PAX2: variants seen among roughly 807,000 people sequenced by gnomAD.
PAX2 encodes paired box 2.
A neutral mutation model predicts 41.7 loss-of-function variants in PAX2; 9 were observed. That is an observed-to-expected ratio of 0.22 (90% CI 0.13 to 0.38). PAX2 has a LOEUF of 0.38. PAX2 is among the 10% of genes least tolerant of loss of function. The probability of loss-of-function intolerance (pLI) is 1.00; values close to 1 mark genes in which losing one functional copy is unlikely to be tolerated. For missense variants in PAX2, 418 were observed against 531.6 expected, an observed-to-expected ratio of 0.79 and a Z score of 2.10; for synonymous variants, 221 against 212.7, an observed-to-expected ratio of 1.04 and a Z score of -0.34.
At chr10:100,811,681 G>A (rs1015747789) in intron 7 of PAX2, among the ~76,000 whole-genome samples, 1 of 152,230 alleles carries the variant, frequency 6.6e-6, no homozygotes, top group South Asian at 2.1e-4. Flanking sequence ...AATATTAAGG[G>A]CTTTGGTGGG....
intron 3 of PAX2, among the ~76,000 whole-genome samples, chr10:100,774,272 G>A (rs1846310221): frequency 6.6e-6 from 1 of 152,116 alleles, no homozygotes; most frequent in Admixed American, 6.5e-5. Flanking sequence ...TGAGAGGTGG[G>A]GGTCTTCCGG....
intron 1 of PAX2, among the ~76,000 whole-genome samples, chr10:100,737,287 T>C (rs539817526): frequency 3.3e-5 from 5 of 152,288 alleles, no homozygotes; most frequent in Admixed American, 6.5e-5. Flanking sequence ...GGGAGCATCC[T>C]TGAGTGCCTG....
chr10:100,777,679 G>C (rs928042108), intron 3 of PAX2, among the ~76,000 whole-genome samples: 1 of 152,218 alleles, frequency 6.6e-6, no homozygotes, highest in African/African-American at 2.4e-5. Flanking sequence ...ACAGGCGTGA[G>C]CCACTGCACC....
intron 4 of PAX2, 125 bp from the exon 5 acceptor site, chr10:100,781,121 A>T: frequency 1.1e-6 from 1 of 888,504 alleles, no homozygotes; most frequent in Non-Finnish European, 1.9e-6. Flanking sequence ...AATGAGAGGA[A>T]CGTGGGCTCC....
Position 100,750,142 on chromosome 10 carries a change from C to G in PAX2, c.212+228C>G, listed in dbSNP as rs978979624. Among the ~76,000 whole-genome samples, 1 of 152,130 alleles carries G rather than the reference C, an allele frequency of 6.6e-6. No individual in the cohort carries two copies. Among genetic ancestry groups the G allele is most frequent in the African/African-American group, 2.4e-5 (1 of 41,410 alleles). On this transcript the variant is annotated intron_variant, in intron 2 of 9. Transcript: ENST00000355243. This position sits in a 1 kb window ranked among gnomAD's most constrained non-coding sequence, Gnocchi z 4.1. ...CCAGTGCTTGCCCTGCCCCTGGTCC[C>G]TGGTGAGAAGGCAGCCCGTTTCTGG... is the stretch of plus-strand genomic sequence containing the variant.
intron 4 of PAX2, 62 bp downstream of exon 4, chr10:100,779,645 G>C (rs1846534275): frequency 3.0e-6 from 4 of 1,327,234 alleles, no homozygotes; most frequent in Middle Eastern, 1.8e-4. Flanking sequence ...AGGAAACGCA[G>C]CTCCACCCCT....
chr10:100,760,231 G>C (rs1845788165), intron 3 of PAX2, among the ~76,000 whole-genome samples: 1 of 152,190 alleles, frequency 6.6e-6, no homozygotes, highest in African/African-American at 2.4e-5. Flanking sequence ...CTCGAAAGGA[G>C]TCAGTCTTGT....
chr10:100,773,967 G>A (rs888412087), intron 3 of PAX2, among the ~76,000 whole-genome samples: 2 of 152,066 alleles, frequency 1.3e-5, no homozygotes, highest in South Asian at 4.1e-4. Flanking sequence ...ACATAGCCAC[G>A]GTGGGACTTC....
Position 100,824,695 on chromosome 10 carries a change from C to A in PAX2, c.967C>A (p.Pro323Thr). Reference protein sequence around the residue: ...TTLPGYPPHVPPTGQGSYPTS... With the variant: ...TTLPGYPPHVTPTGQGSYPTS... ...TCTGCCTGGTTACCCCCCTCACGTG[C>A]CCCCCACTGGCCAGGGAAGCTACCC... Residue 323 changes from proline (P) to threonine (T), a missense_variant, in exon 8 of 10, where the codon CCC becomes ACC. Transcript: ENST00000355243. The surrounding 1 kb of genome is among the most constrained non-coding windows in gnomAD (Gnocchi z 6.6). The A allele has an allele frequency of 6.2e-7, 1 of 1,610,422 alleles. No individual in the cohort carries two copies. The highest frequency in any genetic ancestry group is 8.5e-7 in the Non-Finnish European group (1 of 1,176,780).
At chr10:100,799,335 C>G (rs1589870347) in intron 5 of PAX2, among the ~76,000 whole-genome samples, 1 of 152,356 alleles carries the variant, frequency 6.6e-6, no homozygotes, top group East Asian at 1.9e-4. Context: ...CTGCTTCTTG[C>G]CAGCTGTGCA....
At position 100,781,238 on chromosome 10, in the gene PAX2, T is replaced by G. The variant is rs753339070; in HGVS notation, c.497-8T>G. On this transcript the variant is annotated splice_polypyrimidine_tract_variant and splice_region_variant and intron_variant, in intron 4 of 9. Coordinates refer to ENST00000355243, the MANE Select transcript of PAX2 (RefSeq NM_000278.5). The stretch of plus-strand genomic sequence containing the variant: ...TCCTGATGCCATTTCCTCCTTCCTC[T>G]CATCCAGTTCCCAGCACGGCCTCCC... The G allele has an allele frequency of 1.9e-6, 3 of 1,613,920 alleles. No individual in the cohort carries two copies.
At position 100,805,530 on chromosome 10, in the gene PAX2, C is replaced by T. The variant is rs74676470; in HGVS notation, c.617-900C>T. 6.9e-3 allele frequency among the ~76,000 whole-genome samples: 1,043 copies of T among 152,204 alleles called. 13 individuals are homozygous for T. The highest frequency in any genetic ancestry group is 0.023 in the African/African-American group (947 of 41,512). On this transcript the variant is annotated intron_variant, in intron 5 of 9. Transcript: ENST00000355243. ...CACCTTGAAAACTCCAAGGAACCGACGCTGGGAGGCAAGGATAGGGGAGGG... is the reference window on the plus strand; with the variant it reads ...CACCTTGAAAACTCCAAGGAACCGATGCTGGGAGGCAAGGATAGGGGAGGG...
At chr10:100,813,588 C>T (rs1848076131) in intron 7 of PAX2, among the ~76,000 whole-genome samples, 1 of 152,120 alleles carries the variant, frequency 6.6e-6, no homozygotes, top group Admixed American at 6.6e-5. Flanking sequence ...ACAGGGACCA[C>T]ACTGTCCGTG....
intron 5 of PAX2, among the ~76,000 whole-genome samples, chr10:100,792,274 C>T (rs144026683): frequency 5.3e-5 from 8 of 152,312 alleles, no homozygotes; most frequent in East Asian, 1.9e-4. Flanking sequence ...CACATGGGTT[C>T]GTGCGTGTGT....
At chr10:100,789,785 T>C (rs1401140456) in intron 5 of PAX2, among the ~76,000 whole-genome samples, 1 of 152,214 alleles carries the variant, frequency 6.6e-6, no homozygotes, top group East Asian at 1.9e-4. Context: ...TGTTCATACC[T>C]GAGGGGGGAG....
intron 7 of PAX2, among the ~76,000 whole-genome samples, chr10:100,823,046 T>C (rs1450361047): frequency 6.6e-6 from 1 of 152,066 alleles, no homozygotes; most frequent in African/African-American, 2.4e-5. Context: ...AAAAAGAAGG[T>C]GCTTAGAAGC....
chr10:100,825,866 T>C (rs1372365525), intron 8 of PAX2, among the ~76,000 whole-genome samples: 1 of 104,482 alleles, frequency 9.6e-6, no homozygotes, highest in Non-Finnish European at 2.5e-5. Flanking sequence ...GTAGAAGCCT[T>C]GTTGGGAGGC....
chr10:100,775,545 A>T (rs1046759861), intron 3 of PAX2, among the ~76,000 whole-genome samples: 6 of 152,188 alleles, frequency 3.9e-5, no homozygotes, highest in Non-Finnish European at 8.8e-5. Context: ...GTCAGGGAGT[A>T]GTGATTTTCC....
upstream of PAX2, among the ~76,000 whole-genome samples, chr10:100,743,179 A>G (rs1437303807): frequency 6.6e-6 from 1 of 151,032 alleles, no homozygotes; most frequent in Non-Finnish European, 1.5e-5. Context: ...AGCAGGGGGG[A>G]CTCTCAGGGG....
Sources: gnomAD v4.1 joint callset for allele counts (sites outside exome capture counted in the v4.1 genomes callset) on GRCh38, gnomAD v4.1.1 for gene constraint, Gnocchi (gnomAD v3.1) non-coding constraint, MANE v1.5 for transcripts, NCBI Gene and HGNC (gene_info 2026-07-23, HGNC 2026-07-21) for gene names.